The following FUCA2 variants were observed in gnomAD, a reference collection of about 807,000 sequenced individuals.
FUCA2 encodes alpha-L-fucosidase 2.
In FUCA2, 41 loss-of-function variants were observed where a neutral mutation model predicts 52.6. The ratio of observed to expected loss-of-function variants is 0.78; its 90% CI spans 0.61 to 1.01. FUCA2 has a LOEUF of 1.01. Ranked by LOEUF, FUCA2 falls within the 50% of genes least tolerant of loss-of-function variation. The probability of loss-of-function intolerance (pLI) is 0.00; values close to 1 mark genes in which losing one functional copy is unlikely to be tolerated. For missense variants in FUCA2, 507 were observed against 569.5 expected (o/e 0.89, Z 1.12); for synonymous variants, 211 against 217.3 (o/e 0.97, Z 0.26).
Position 143,502,244 on chromosome 6 carries a change from G to T in FUCA2, c.963+111C>A. 1 of 1,343,264 alleles carries T rather than the reference G, an allele frequency of 7.4e-7. No individual in the cohort carries two copies. The highest frequency in any genetic ancestry group is 1.0e-6 in the Non-Finnish European group (1 of 967,802). 83.2% of individuals were successfully genotyped at this position (1,343,264 alleles called of 1,614,324 possible). On this transcript the variant is annotated intron_variant, in intron 4 of 6. Coordinates refer to ENST00000002165, the MANE Select transcript of FUCA2 (RefSeq NM_032020.5). The surrounding 1 kb of genome is among the most constrained non-coding windows in gnomAD (Gnocchi z 4.1). The stretch of plus-strand genomic sequence containing the variant: ...TCACTGCCTAGAAGAACAAACACAG[G>T]ATAGAACAATGTCCTATATTTATAG...
At position 143,507,224 on chromosome 6, in the gene FUCA2, T is replaced by A. The variant is rs766840507; in HGVS notation, c.412+13A>T. On this transcript the variant is annotated intron_variant, in intron 2 of 6. Coordinates refer to ENST00000002165, the MANE Select transcript of FUCA2 (RefSeq NM_032020.5). This position sits in a 1 kb window ranked among gnomAD's most constrained non-coding sequence, Gnocchi z 4.5. ...ACCATTGTCAGCAATTTCCATAGGC[T>A]GGATTGACTTACCTTCATGATGTTT... is the stretch of plus-strand genomic sequence containing the variant. 1.3e-6 allele frequency: 2 copies of A among 1,568,304 alleles called. No homozygotes were observed. The highest frequency in any genetic ancestry group is 2.4e-5 in the South Asian group (2 of 83,042).
Position 143,507,290 on chromosome 6 carries a change from A to G in FUCA2, c.359T>C (p.Ile120Thr), listed in dbSNP as rs376012363. The change falls in exon 2 of 7, where the codon ATT becomes ACT. Residue 120 changes from isoleucine to threonine, a missense_variant. By Grantham distance (89) the Ile-to-Thr change is moderately conservative. Coordinates refer to ENST00000002165, the MANE Select transcript of FUCA2 (RefSeq NM_032020.5). This position sits in a 1 kb window ranked among gnomAD's most constrained non-coding sequence, Gnocchi z 4.5. The stretch of plus-strand genomic sequence containing the variant: ...GTATTTGGCACCAGAGGCCTGAAAA[A>G]TATCTGCCCACTGGTTGGCATTAAA... ...KFFNANQWAD[I>T]FQASGAKYIV... The G allele has an allele frequency of 2.5e-6, 4 of 1,605,762 alleles. No homozygotes were observed. The highest frequency in any genetic ancestry group is 3.4e-6 in the Non-Finnish European group (4 of 1,177,312).
In FUCA2 at chr6:143,503,736, A is replaced by G. The variant is rs1357054070; in HGVS notation, c.752+177T>C. On this transcript the variant is annotated intron_variant, in intron 3 of 6. Transcript: ENST00000002165. The surrounding 1 kb of genome is among the most constrained non-coding windows in gnomAD (Gnocchi z 4.8). The stretch of plus-strand genomic sequence containing the variant: ...GTTGGATTTTACTCCTGATTTATTT[A>G]CCCTTGATTATGTTGAGTAAATAGT... 3.7e-6 allele frequency: 2 copies of G among 537,972 alleles called. No homozygotes were observed. Among genetic ancestry groups the G allele is most frequent in the Non-Finnish European group, 6.4e-6 (2 of 311,224 alleles). The allele number at this position is 537,972 out of a possible 1,614,324, so 33.3% of individuals were successfully genotyped here. A position where few individuals can be genotyped will look rare whatever the true frequency, so the allele number is the denominator to read the frequency against.
rs753417970 is a variant in FUCA2 at position 143,497,544 on chromosome 6, A to G, written c.1155-47T>C. ...AGAGCATAGTAGCAAGTTACATCCCATGTTTCTCACTATTTATGGATCAGG... is the reference window on the plus strand; with the variant it reads ...AGAGCATAGTAGCAAGTTACATCCCGTGTTTCTCACTATTTATGGATCAGG... On this transcript the variant is annotated intron_variant, in intron 5 of 6. Transcript: ENST00000002165. The surrounding 1 kb of genome is among the most constrained non-coding windows in gnomAD (Gnocchi z 5.3). The G allele has an allele frequency of 1.2e-5, 12 of 997,828 alleles. No homozygotes were observed. In the East Asian group the frequency reaches 2.9e-4, roughly 24 times the overall value. 61.8% of individuals were successfully genotyped at this position (997,828 alleles called of 1,614,324 possible).
Position 143,510,939 on chromosome 6 carries a change from G to C in FUCA2, c.224+472C>G, listed in dbSNP as rs1020743117. The stretch of plus-strand genomic sequence containing the variant: ...ACATGTTAACATTAAGTAGCCAATG[G>C]TGTTCAATGAACAGTCGTTTCACAT... On this transcript the variant is annotated intron_variant, in intron 1 of 6. Coordinates refer to ENST00000002165, the MANE Select transcript of FUCA2 (RefSeq NM_032020.5). This position sits in a 1 kb window ranked among gnomAD's most constrained non-coding sequence, Gnocchi z 4.4. Among the ~76,000 whole-genome samples the C allele has an allele frequency of 1.3e-5, 2 of 152,130 alleles. No homozygotes were observed. Among genetic ancestry groups the C allele is most frequent in the African/African-American group, 4.8e-5 (2 of 41,420 alleles).
rs1483537582 is a variant in FUCA2, at chr6:143,495,294, G to A, written c.*413C>T. ...CTAGGATTTTGTAAATACACTCTAT[G>A]ATGTTGGCACAAAAAAAAATTGACT... On this transcript the variant is annotated 3_prime_UTR_variant, in exon 7 of 7. Coordinates refer to ENST00000002165, the MANE Select transcript of FUCA2 (RefSeq NM_032020.5). This position sits in a 1 kb window ranked among gnomAD's most constrained non-coding sequence, Gnocchi z 5.2. 1 of 155,018 alleles carries A rather than the reference G, an allele frequency of 6.5e-6. No individual in the cohort carries two copies. The highest frequency in any genetic ancestry group is 1.5e-5 in the Non-Finnish European group (1 of 68,728). The allele number at this position is 155,018 out of a possible 1,614,324, so 9.6% of individuals were successfully genotyped here.
In FUCA2 at chr6:143,499,230, A is replaced by G. The variant is rs1306465769; in HGVS notation, c.1155-1733T>C. Among the ~76,000 whole-genome samples, 1 of 152,208 alleles carries G rather than the reference A, an allele frequency of 6.6e-6. No homozygotes were observed. Among genetic ancestry groups the G allele is most frequent in the East Asian group, 1.9e-4 (1 of 5,200 alleles). On this transcript the variant is annotated intron_variant, in intron 5 of 6. Coordinates refer to ENST00000002165, the MANE Select transcript of FUCA2 (RefSeq NM_032020.5). The surrounding 1 kb of genome is among the most constrained non-coding windows in gnomAD (Gnocchi z 6.0). ...GAAATGTGGAGATCATCAATATGGC[A>G]TTTAAAGCCATGAAAATGGATAAGA...
Position 143,507,326 on chromosome 6 carries a change from G to A in FUCA2, c.323C>T (p.Thr108Ile), listed in dbSNP as rs1733540949. 3 of 1,609,894 alleles carry A rather than the reference G, an allele frequency of 1.9e-6. No individual in the cohort carries two copies. The highest frequency in any genetic ancestry group is 1.7e-5 in the Admixed American group (1 of 58,920). Residue 108 changes from threonine to isoleucine, a missense_variant, in exon 2 of 7, where the codon ACA (threonine) becomes ATA (isoleucine). Coordinates refer to ENST00000002165, the MANE Select transcript of FUCA2 (RefSeq NM_032020.5). The surrounding 1 kb of genome is among the most constrained non-coding windows in gnomAD (Gnocchi z 4.5). ...FKYEDFGPLF[T>I]AKFFNANQWA... ...CTGGTTGGCATTAAAAAATTTTGCT[G>A]TAAATAGTGGTCCAAAATCTTCATA...
In FUCA2 at chr6:143,499,713, C is replaced by T. The variant is rs1418345763; in HGVS notation, c.1155-2216G>A. Among the ~76,000 whole-genome samples the T allele has an allele frequency of 6.6e-6, 1 of 152,112 alleles. No homozygotes were observed. The highest frequency in any genetic ancestry group is 1.5e-5 in the Non-Finnish European group (1 of 68,022). On this transcript the variant is annotated intron_variant, in intron 5 of 6. Coordinates refer to ENST00000002165, the MANE Select transcript of FUCA2 (RefSeq NM_032020.5). The surrounding 1 kb of genome is among the most constrained non-coding windows in gnomAD (Gnocchi z 6.0). ...ACTGCCAGTAAGTTAAGAAAATGAG[C>T]ACTGGGGACTCATCACTGGAACTGG...
chr6:143,495,628 C>T lies in FUCA2; in HGVS notation c.*79G>A. Reference sequence around the variant, plus strand: ...TCTTATCCAGTTTTACATTTGCTTTCTCCATGTGCTACAATTATAGACACC... The same window carrying T: ...TCTTATCCAGTTTTACATTTGCTTTTTCCATGTGCTACAATTATAGACACC... On this transcript the variant is annotated 3_prime_UTR_variant, in exon 7 of 7. Coordinates refer to ENST00000002165, the MANE Select transcript of FUCA2 (RefSeq NM_032020.5). The surrounding 1 kb of genome is among the most constrained non-coding windows in gnomAD (Gnocchi z 5.2). 1.4e-6 allele frequency: 2 copies of T among 1,382,370 alleles called. No homozygotes were observed. The highest frequency in any genetic ancestry group is 2.0e-6 in the Non-Finnish European group (2 of 1,018,560). The allele number at this position is 1,382,370 out of a possible 1,614,324, so 85.6% of individuals were successfully genotyped here.
chr6:143,508,289 T>A (rs565642145), intron 1 of FUCA2, among the ~76,000 whole-genome samples: 2 of 152,386 alleles, frequency 1.3e-5, no homozygotes, highest in African/African-American at 4.8e-5. Flanking sequence ...AAAGCACATC[T>A]ACACATTTTA....
Position 143,509,140 on chromosome 6 carries a change from C to T in FUCA2, c.225-1716G>A, listed in dbSNP as rs1447848394. 6.6e-6 allele frequency among the ~76,000 whole-genome samples: 1 copy of T among 152,124 alleles called. No homozygotes were observed. Among genetic ancestry groups the T allele is most frequent in the Non-Finnish European group, 1.5e-5 (1 of 68,030 alleles). On this transcript the variant is annotated intron_variant, in intron 1 of 6. Transcript: ENST00000002165. The surrounding 1 kb of genome is among the most constrained non-coding windows in gnomAD (Gnocchi z 5.4). The stretch of plus-strand genomic sequence containing the variant: ...CATCTAATTTGAACCTGCACTGTCC[C>T]CTACAGTCTAGACTTGAATTTCATG...
rs67844126 is a variant in FUCA2, at chr6:143,495,304, C to CAA, written c.*401_*402dup. 4 of 166,080 alleles carry CAA rather than the reference C, an allele frequency of 2.4e-5. No homozygotes were observed. In the South Asian group the frequency reaches 5.0e-4, roughly 21 times the overall value. The allele number at this position is 166,080 out of a possible 1,614,324, so 10.3% of individuals were successfully genotyped here. ...GTAAATACACTCTATGATGTTGGCACAAAAAAAAATTGACTAGCAATGCAT... is the reference window on the plus strand; with the variant it reads ...GTAAATACACTCTATGATGTTGGCACAAAAAAAAAAATTGACTAGCAATGCAT... On this transcript the variant is annotated 3_prime_UTR_variant, in exon 7 of 7. Coordinates refer to ENST00000002165, the MANE Select transcript of FUCA2 (RefSeq NM_032020.5). The surrounding 1 kb of genome is among the most constrained non-coding windows in gnomAD (Gnocchi z 5.2).
rs1371218710 is a variant in FUCA2 at position 143,511,258 on chromosome 6, C to T, written c.224+153G>A. On this transcript the variant is annotated intron_variant, in intron 1 of 6. Coordinates refer to ENST00000002165, the MANE Select transcript of FUCA2 (RefSeq NM_032020.5). This position sits in a 1 kb window ranked among gnomAD's most constrained non-coding sequence, Gnocchi z 6.3. ...TAGGCAGGAAACCACATATTCGACA[C>T]CCGGAAGTGCGAAACGCGGGTAACG... Among the ~76,000 whole-genome samples, 5 of 152,182 alleles carry T rather than the reference C, an allele frequency of 3.3e-5. No individual in the cohort carries two copies. Among genetic ancestry groups the T allele is most frequent in the Non-Finnish European group, 2.9e-5 (2 of 68,028 alleles).
chr6:143,504,086 C>T lies in FUCA2; in HGVS notation c.579G>A (p.Glu193=). 6.2e-7 allele frequency: 1 copy of T among 1,614,140 alleles called. No homozygotes were observed. Residue 193 remains glutamate, a synonymous_variant, in exon 3 of 7, where the codon GAG becomes GAA. Coordinates refer to ENST00000002165, the MANE Select transcript of FUCA2 (RefSeq NM_032020.5). The surrounding 1 kb of genome is among the most constrained non-coding windows in gnomAD (Gnocchi z 4.4). The part of the protein sequence containing the change: ...LFEWFHPLFL[E]DESSSFHKRQ... ...GCTTATGGAATGAACTGGATTCATC[C>T]TCAAGGAAGAGCGGATGAAACCATT...
rs746433588 is a variant in FUCA2 at position 143,499,424 on chromosome 6, C to T, written c.1155-1927G>A. On this transcript the variant is annotated intron_variant, in intron 5 of 6. Transcript: ENST00000002165. This position sits in a 1 kb window ranked among gnomAD's most constrained non-coding sequence, Gnocchi z 6.0. ...CAAAAAAATTAGCCAGGCTTGGTGG[C>T]GGACACCTGTAATCCCAGCTACTCA... 2.6e-5 allele frequency among the ~76,000 whole-genome samples: 4 copies of T among 152,186 alleles called. No individual in the cohort carries two copies. The highest frequency in any genetic ancestry group is 5.9e-5 in the Non-Finnish European group (4 of 67,982).
Position 143,495,611 on chromosome 6 carries a change from A to T in FUCA2, c.*96T>A. The T allele has an allele frequency of 1.6e-6, 2 of 1,255,562 alleles. No homozygotes were observed. The highest frequency in any genetic ancestry group is 2.2e-6 in the Non-Finnish European group (2 of 929,300). 77.8% of individuals were successfully genotyped at this position (1,255,562 alleles called of 1,614,324 possible). On this transcript the variant is annotated 3_prime_UTR_variant, in exon 7 of 7. Coordinates refer to ENST00000002165, the MANE Select transcript of FUCA2 (RefSeq NM_032020.5). The surrounding 1 kb of genome is among the most constrained non-coding windows in gnomAD (Gnocchi z 5.2). ...AACTGCCAAAATAATTTTCTTATCC[A>T]GTTTTACATTTGCTTTCTCCATGTG... is the stretch of plus-strand genomic sequence containing the variant.
chr6:143,500,310 G>A lies in FUCA2; in HGVS notation c.1154+1622C>T, dbSNP rs1369936884. 6.6e-6 allele frequency among the ~76,000 whole-genome samples: 1 copy of A among 152,144 alleles called. No individual in the cohort carries two copies. The highest frequency in any genetic ancestry group is 1.5e-5 in the Non-Finnish European group (1 of 68,042). On this transcript the variant is annotated intron_variant, in intron 5 of 6. Transcript: ENST00000002165. The surrounding 1 kb of genome is among the most constrained non-coding windows in gnomAD (Gnocchi z 6.9). ...TGGATTATAGATCCCTTTGGAAGCC[G>A]AAGTGCCATGCAGAGTGAGCCAAAA...
chr6:143,508,836 C>CT (rs1780645819), intron 1 of FUCA2, among the ~76,000 whole-genome samples: 1 of 152,152 alleles, frequency 6.6e-6, no homozygotes, highest in Non-Finnish European at 1.5e-5. Context: ...ATCATTATAC[C>CT]TTTTAGTTGG....
Sources: gnomAD v4.1 joint callset for allele counts (sites outside exome capture counted in the v4.1 genomes callset) on GRCh38, gnomAD v4.1.1 for gene constraint, Gnocchi (gnomAD v3.1) non-coding constraint, MANE v1.5 for transcripts, NCBI Gene and HGNC (gene_info 2026-07-23, HGNC 2026-07-21) for gene names.